Variants in ANKS1A observed in about 807,000 individuals in gnomAD.
ANKS1A encodes ankyrin repeat and SAM domain-containing protein 1A.
A neutral mutation model predicts 120.3 loss-of-function variants in ANKS1A; 55 were observed. The observed-to-expected ratio is 0.46, with a 90% confidence interval of 0.37 to 0.57. ANKS1A has a LOEUF of 0.57. Among genes scored for constraint, ANKS1A ranks in the 20% least tolerant of loss-of-function variants. The pLI, the probability that ANKS1A is intolerant of heterozygous loss-of-function variation, is 0.00. For missense variants in ANKS1A, 1,123 were observed against 1,480.3 expected (o/e 0.76, Z 3.96); for synonymous variants, 590 against 604.7 (o/e 0.98, Z 0.36).
At position 35,090,084 on chromosome 6, in the gene ANKS1A, T is replaced by A. The variant is rs1581772657; in HGVS notation, c.*1475T>A. On this transcript the variant is annotated 3_prime_UTR_variant, in exon 24 of 24. Coordinates refer to ENST00000360359, the MANE Select transcript of ANKS1A (RefSeq NM_015245.3). ...CTGACTGGCTAGAGGCCAGGCCTTG[T>A]GGGTTTCTATCTGCTAAGCACCCAG... is the stretch of plus-strand genomic sequence containing the variant. 2.3e-6 allele frequency: 3 copies of A among 1,284,832 alleles called. No homozygotes were observed. In the East Asian group the frequency reaches 1.7e-4, roughly 71 times the overall value. 79.6% of individuals were successfully genotyped at this position (1,284,832 alleles called of 1,614,324 possible).
At chr6:34,968,128 GA>G (rs979515707) in intron 2 of ANKS1A, among the ~76,000 whole-genome samples, 15 of 151,942 alleles carry the variant, frequency 9.9e-5, no homozygotes, top group Non-Finnish European at 1.5e-4. Context: ...TTTTTAAGGG[GA>G]AAAAAATACA....
chr6:34,968,522 C>G (rs6935722), intron 2 of ANKS1A, among the ~76,000 whole-genome samples: 6,672 of 152,212 alleles, frequency 0.044, 258 homozygotes, highest in African/African-American at 0.11. Flanking sequence ...ACTGCAACCT[C>G]CACCTCCCGG....
chr6:35,018,501 G>A (rs375173329), intron 11 of ANKS1A, among the ~76,000 whole-genome samples: 1 of 152,060 alleles, frequency 6.6e-6, no homozygotes, highest in African/African-American at 2.4e-5. Context: ...AGTCTGGGGG[G>A]AAAGCTGCTG....
rs1362317644 is a variant in ANKS1A, at chr6:35,050,219, G to C, written c.2011-3880G>C. 6.6e-6 allele frequency among the ~76,000 whole-genome samples: 1 copy of C among 152,210 alleles called. No individual in the cohort carries two copies. The highest frequency in any genetic ancestry group is 1.5e-5 in the Non-Finnish European group (1 of 68,028). On this transcript the variant is annotated intron_variant, in intron 11 of 23. Coordinates refer to ENST00000360359, the MANE Select transcript of ANKS1A (RefSeq NM_015245.3). This position sits in a 1 kb window ranked among gnomAD's most constrained non-coding sequence, Gnocchi z 4.3. ...AGGGAAAAATAGTCTAAACAGAGTC[G>C]TCCTGAAAACTTTTTGAAAATGGAG...
chr6:35,077,015 G>A (rs947336254), intron 13 of ANKS1A, among the ~76,000 whole-genome samples: 1 of 152,150 alleles, frequency 6.6e-6, no homozygotes, highest in Admixed American at 6.5e-5. Context: ...TAGATAAAAC[G>A]TGGAAAGATG....
Position 35,089,163 on chromosome 6 carries a change from T to C in ANKS1A, c.*554T>C. On this transcript the variant is annotated 3_prime_UTR_variant, in exon 24 of 24. Transcript: ENST00000360359. The stretch of plus-strand genomic sequence containing the variant: ...TTTCAAACCCAACCATATCAGCTGC[T>C]GCTCTTTATGAACTGCCCAACTTCC... 2.0e-6 allele frequency: 2 copies of C among 1,003,198 alleles called. No homozygotes were observed. Among genetic ancestry groups the C allele is most frequent in the Non-Finnish European group, 2.4e-6 (2 of 838,992 alleles). 62.1% of individuals were successfully genotyped at this position (1,003,198 alleles called of 1,614,324 possible).
At chr6:35,059,195 C>G (rs1280839395) in intron 12 of ANKS1A, among the ~76,000 whole-genome samples, 8 of 152,234 alleles carry the variant, frequency 5.3e-5, no homozygotes, top group African/African-American at 1.7e-4. Context: ...CCCTGAAAAC[C>G]AGCCTGGCCC....
Position 35,089,488 on chromosome 6 carries a change from G to T in ANKS1A, c.*879G>T, listed in dbSNP as rs1320652938. ...GCTTTGTTTGGGGCATTAATGCTTG[G>T]AGTGGGGTCAGCTAAGGTTGCTACT... On this transcript the variant is annotated 3_prime_UTR_variant, in exon 24 of 24. Coordinates refer to ENST00000360359, the MANE Select transcript of ANKS1A (RefSeq NM_015245.3). 1.0e-6 allele frequency: 1 copy of T among 986,556 alleles called. No homozygotes were observed. The highest frequency in any genetic ancestry group is 1.2e-6 in the Non-Finnish European group (1 of 830,576). The allele number at this position is 986,556 out of a possible 1,614,324, so 61.1% of individuals were successfully genotyped here. A position where few individuals can be genotyped will look rare whatever the true frequency, so the allele number is the denominator to read the frequency against.
In ANKS1A at chr6:34,985,379, T is replaced by A. The variant is rs1772140956; in HGVS notation, c.1209+101T>A. 1.8e-5 allele frequency: 22 copies of A among 1,252,084 alleles called. No individual in the cohort carries two copies. In the South Asian group the frequency reaches 3.2e-4, roughly 18 times the overall value. The allele number at this position is 1,252,084 out of a possible 1,614,324, so 77.6% of individuals were successfully genotyped here. On this transcript the variant is annotated intron_variant, in intron 8 of 23. Transcript: ENST00000360359. ...GGGAAGTGTGATCCCTGGTGCCAGC[T>A]CATGTTTCCGGGGCCTGGAGCCCAC...
At chr6:35,049,112 G>A (rs566616477) in intron 11 of ANKS1A, among the ~76,000 whole-genome samples, 3 of 152,334 alleles carry the variant, frequency 2.0e-5, no homozygotes, top group African/African-American at 7.2e-5. Flanking sequence ...GGATTGCTCA[G>A]AGAAGGGATC....
At position 34,991,818 on chromosome 6, in the gene ANKS1A, A is replaced by G. The variant is rs1178051601; in HGVS notation, c.1303-2484A>G. On this transcript the variant is annotated intron_variant, in intron 9 of 23. Transcript: ENST00000360359. ...TACATATATATACACACACATATAT[A>G]TATGGCTTTGATTTATTGCCAGCCC... Among the ~76,000 whole-genome samples, 2 of 141,534 alleles carry G rather than the reference A, an allele frequency of 1.4e-5. 1 individual carries two copies. Among genetic ancestry groups the G allele is most frequent in the African/African-American group, 5.1e-5 (2 of 39,036 alleles). 92.9% of individuals were successfully genotyped at this position (141,534 alleles called of 152,430 possible).
intron 13 of ANKS1A, among the ~76,000 whole-genome samples, chr6:35,068,186 A>G (rs1331854039): frequency 1.3e-5 from 2 of 152,164 alleles, no homozygotes; most frequent in African/African-American, 4.8e-5. Context: ...GAGCCACCGC[A>G]CCTGGCCTAT....
downstream of ANKS1A, among the ~76,000 whole-genome samples, chr6:35,093,776 C>T (rs542517632): frequency 2.0e-5 from 3 of 152,308 alleles, no homozygotes; most frequent in East Asian, 5.8e-4. Context: ...CTTAGCAAGA[C>T]AGAAAATTTA....
In ANKS1A at chr6:34,936,061, C is replaced by CAAA. The variant is rs34851777; in HGVS notation, c.198-31155_198-31153dup. On this transcript the variant is annotated intron_variant, in intron 1 of 23. Transcript: ENST00000360359. ...TGGGCGACAGAGCGAGACTCCGTCT[C>CAAA]AAAAAAAAAAAAAAAAAAAAAAAAA... Among the ~76,000 whole-genome samples, 44 of 36,052 alleles carry CAAA rather than the reference C, an allele frequency of 1.2e-3. 1 individual carries two copies. Among genetic ancestry groups the CAAA allele is most frequent in the East Asian group, 2.9e-3 (5 of 1,728 alleles). The allele number at this position is 36,052 out of a possible 152,430, so 23.7% of individuals were successfully genotyped here.
intron 10 of ANKS1A, among the ~76,000 whole-genome samples, chr6:35,011,389 A>T (rs1773750857): frequency 6.6e-6 from 1 of 152,210 alleles, no homozygotes; most frequent in South Asian, 2.1e-4. Flanking sequence ...TTGGAAGCTG[A>T]TCCAGGCAAA....
At chr6:35,097,637 G>GAAAAAAAAA in the ANKS1A span, among the ~76,000 whole-genome samples, 3 of 89,740 alleles carry the variant, frequency 3.3e-5, no homozygotes, top group African/African-American at 9.4e-5. Context: ...AAAGCCAAAA[G>GAAAAAAAAA]AAAAAAAAAA....
rs759901947 is a variant in ANKS1A at position 35,078,661 on chromosome 6, CCAT to C, written c.2283+7_2283+9del. On this transcript the variant is annotated splice_donor_region_variant and intron_variant, in intron 14 of 23. Transcript: ENST00000360359. ...GCGGCACGCTCCCTACCCAAGGTGA[CCAT>C]CGCCGGCCCTGTAGCCTCAGCCCGT... 3.1e-6 allele frequency: 5 copies of C among 1,600,562 alleles called. No homozygotes were observed. The highest frequency in any genetic ancestry group is 4.2e-6 in the Non-Finnish European group (5 of 1,179,752).
intron 1 of ANKS1A, among the ~76,000 whole-genome samples, chr6:34,964,511 A>G (rs766449160): frequency 6.6e-6 from 1 of 152,116 alleles, no homozygotes; most frequent in Non-Finnish European, 1.5e-5. Context: ...ATAACATGGT[A>G]TGTCTTGGGA....
At chr6:35,074,569 T>A (rs957951847) in intron 13 of ANKS1A, among the ~76,000 whole-genome samples, 10 of 151,436 alleles carry the variant, frequency 6.6e-5, no homozygotes, top group South Asian at 4.2e-4. Context: ...ACTCCACTTT[T>A]AAAAAAAAAG....
Sources: allele counts gnomAD v4.1 joint callset (sites outside exome capture counted in the v4.1 genomes callset), GRCh38; gene constraint gnomAD v4.1.1; non-coding constraint Gnocchi (gnomAD v3.1); transcripts MANE v1.5; gene names NCBI Gene and HGNC (gene_info 2026-07-23, HGNC 2026-07-21).